Variants in BANK1 observed in about 807,000 individuals in gnomAD.
The protein encoded by BANK1 is B-cell scaffold protein with ankyrin repeats.
In BANK1, 95 loss-of-function variants were observed where a neutral mutation model predicts 94.5. The ratio of observed to expected loss-of-function variants is 1.00; its 90% CI spans 0.85 to 1.19. The LOEUF (loss-of-function observed/expected upper bound fraction) is 1.19, where lower values mean the gene tolerates loss of function less well. BANK1 is among the 50% of genes most tolerant of loss of function. The probability of loss-of-function intolerance (pLI) is 0.00; values close to 1 mark genes in which losing one functional copy is unlikely to be tolerated. For missense variants in BANK1, 987 were observed against 932.2 expected (o/e 1.06, Z -0.77); for synonymous variants, 334 against 308.4 (o/e 1.08, Z -0.87).
chr4:101,827,983 T>C (rs1216910785), intron 1 of BANK1, among the ~76,000 whole-genome samples: 2 of 151,958 alleles, frequency 1.3e-5, no homozygotes, highest in Non-Finnish European at 2.9e-5. Context: ...GACTCTTCTC[T>C]TATTCTCCAG....
At chr4:101,869,840 T>C (rs1459601847) in intron 4 of BANK1, among the ~76,000 whole-genome samples, 1 of 152,018 alleles carries the variant, frequency 6.6e-6, no homozygotes, top group Non-Finnish European at 1.5e-5. Context: ...TTTATTGATA[T>C]TCTTTCATAG....
At chr4:102,006,826 C>A (rs1391488010) in intron 7 of BANK1, among the ~76,000 whole-genome samples, 8 of 151,046 alleles carry the variant, frequency 5.3e-5, no homozygotes, top group African/African-American at 1.9e-4. Context: ...TTAGCTAGTG[C>A]AGTTCTGATT....
At chr4:101,825,561 A>G (rs1334441914) in intron 1 of BANK1, among the ~76,000 whole-genome samples, 2 of 152,106 alleles carry the variant, frequency 1.3e-5, no homozygotes, top group Admixed American at 6.6e-5. Context: ...TCTGATAAGT[A>G]ACTTAACCCC....
intron 7 of BANK1, among the ~76,000 whole-genome samples, chr4:102,006,027 A>C (rs1442845272): frequency 6.6e-6 from 1 of 152,052 alleles, no homozygotes; most frequent in Admixed American, 6.6e-5. Flanking sequence ...CACAAGAACT[A>C]CAATGCAGTT....
At chr4:101,969,245 A>T (rs185438006) in intron 7 of BANK1, among the ~76,000 whole-genome samples, 188 of 152,146 alleles carry the variant, frequency 1.2e-3, no homozygotes, top group Non-Finnish European at 1.5e-3. Context: ...TCTTTTTTTT[A>T]AAAAAATCAA....
Position 101,808,135 on chromosome 4 carries a change from C to T in BANK1, c.70+17185C>T, listed in dbSNP as rs527954200. Among the ~76,000 whole-genome samples the T allele has an allele frequency of 6.3e-4, 96 of 151,398 alleles. 1 individual carries two copies. The South Asian group carries it at 8.0e-3, about 13-fold the overall frequency. On this transcript the variant is annotated intron_variant, in intron 1 of 16. Coordinates refer to ENST00000322953, the MANE Select transcript of BANK1 (RefSeq NM_017935.5). ...AAAAAATAAAAAATAAAATCCAAGA[C>T]AGCCTGACTTGAAAGCCTGGCCTCT...
intron 6 of BANK1, among the ~76,000 whole-genome samples, chr4:101,898,541 G>GTC (rs957139875): frequency 2.0e-5 from 3 of 151,936 alleles, no homozygotes; most frequent in African/African-American, 4.8e-5. Flanking sequence ...GAGAAATTGA[G>GTC]TCTCTCTCAG....
intron 7 of BANK1, among the ~76,000 whole-genome samples, chr4:101,940,496 T>C (rs1723705616): frequency 6.6e-6 from 1 of 151,770 alleles, no homozygotes; most frequent in South Asian, 2.1e-4. Flanking sequence ...TTTTTACCTA[T>C]GTCCTTTTTC....
At chr4:101,888,662 C>T (rs1721713787) in intron 5 of BANK1, among the ~76,000 whole-genome samples, 1 of 152,202 alleles carries the variant, frequency 6.6e-6, no homozygotes. Context: ...TCATGCTTAT[C>T]ACCTCTATAA....
intron 2 of BANK1, among the ~76,000 whole-genome samples, chr4:101,849,257 T>C (rs1727376333): frequency 6.6e-6 from 1 of 152,204 alleles, no homozygotes; most frequent in East Asian, 1.9e-4. Context: ...TCAGTTGATA[T>C]ACAATAATGC....
chr4:101,814,391 G>A (rs1725829625), intron 1 of BANK1, among the ~76,000 whole-genome samples: 1 of 152,126 alleles, frequency 6.6e-6, no homozygotes, highest in South Asian at 2.1e-4. Flanking sequence ...ACCATCTTGT[G>A]TTCTGGAAAG....
chr4:102,037,500 C>T (rs534948895), intron 10 of BANK1, among the ~76,000 whole-genome samples: 14 of 152,246 alleles, frequency 9.2e-5, no homozygotes, highest in South Asian at 6.2e-4. Context: ...ACTTTTAACA[C>T]GTGATTCTTT....
At chr4:101,959,226 A>G (rs1307694755) in intron 7 of BANK1, among the ~76,000 whole-genome samples, 2 of 151,154 alleles carry the variant, frequency 1.3e-5, no homozygotes, top group Non-Finnish European at 2.9e-5. Flanking sequence ...TGCAACCTCC[A>G]CCTCCTGGGT....
chr4:101,884,045 A>G (rs1728765271), intron 5 of BANK1, among the ~76,000 whole-genome samples: 1 of 152,216 alleles, frequency 6.6e-6, no homozygotes, highest in Non-Finnish European at 1.5e-5. Flanking sequence ...TGTAATTTGG[A>G]AACTCTAAAC....
chr4:101,902,826 T>C (rs1387677667), intron 6 of BANK1, among the ~76,000 whole-genome samples: 2 of 152,242 alleles, frequency 1.3e-5, no homozygotes, highest in Non-Finnish European at 2.9e-5. Flanking sequence ...GCCATGTGAT[T>C]CCCTTTAGTC....
At chr4:101,936,678 G>T (rs1560641875) in intron 7 of BANK1, among the ~76,000 whole-genome samples, 1 of 151,236 alleles carries the variant, frequency 6.6e-6, no homozygotes, top group Non-Finnish European at 1.5e-5. Flanking sequence ...CTCAAAAGAA[G>T]ACATACAAAT....
intron 7 of BANK1, among the ~76,000 whole-genome samples, chr4:101,944,433 C>T (rs1723864812): frequency 6.6e-6 from 1 of 151,802 alleles, no homozygotes; most frequent in Admixed American, 6.6e-5. Context: ...TTTTGCTAAC[C>T]CTTTACACTT....
intron 7 of BANK1, among the ~76,000 whole-genome samples, chr4:101,999,025 C>G (rs1341769400): frequency 1.3e-5 from 2 of 152,108 alleles, no homozygotes; most frequent in African/African-American, 4.8e-5. Flanking sequence ...CTGAGCTCAC[C>G]TTTGCTTGAT....
intron 8 of BANK1, among the ~76,000 whole-genome samples, chr4:102,022,878 G>A (rs538868939): frequency 8.5e-5 from 13 of 152,070 alleles, no homozygotes; most frequent in African/African-American, 3.1e-4. Context: ...CCTGCCTCAG[G>A]GCATTTGCAC....
Sources: allele counts gnomAD v4.1 joint callset (sites outside exome capture counted in the v4.1 genomes callset), GRCh38; gene constraint gnomAD v4.1.1; transcripts MANE v1.5; gene names NCBI Gene and HGNC (gene_info 2026-07-23, HGNC 2026-07-21).